Variants in CRPPA observed in about 807,000 individuals in gnomAD.
CRPPA encodes D-ribitol-5-phosphate cytidylyltransferase.
Under a neutral mutation model 52.0 loss-of-function variants are expected in CRPPA, and 43 were observed. The ratio of observed to expected loss-of-function variants is 0.83; its 90% CI spans 0.65 to 1.07. CRPPA has a LOEUF of 1.07. Ranked by LOEUF, CRPPA falls within the 50% of genes least tolerant of loss-of-function variation. CRPPA has a pLI of 0.00. For missense variants in CRPPA, 629 were observed against 551.7 expected (o/e 1.14, Z -1.40); for synonymous variants, 250 against 203.5 (o/e 1.23, Z -1.94).
chr7:16,375,822 T>A (rs898572305), intron 3 of CRPPA, among the ~76,000 whole-genome samples: 1 of 152,180 alleles, frequency 6.6e-6, no homozygotes, highest in Non-Finnish European at 1.5e-5. Flanking sequence ...TTGCTGAATT[T>A]TCACTGCTGG....
chr7:16,279,804 C>T (rs1208260837), intron 5 of CRPPA, among the ~76,000 whole-genome samples: 1 of 152,186 alleles, frequency 6.6e-6, no homozygotes, highest in Non-Finnish European at 1.5e-5. Context: ...GTGTGACCAA[C>T]AACCAAGAGA....
At chr7:16,124,853 A>C (rs1049205312) in intron 9 of CRPPA, among the ~76,000 whole-genome samples, 1 of 150,662 alleles carries the variant, frequency 6.6e-6, no homozygotes. Context: ...AATGTCAATT[A>C]AAATAATTTT....
intron 9 of CRPPA, among the ~76,000 whole-genome samples, chr7:16,130,262 G>T (rs971191347): frequency 6.6e-6 from 1 of 152,132 alleles, no homozygotes; most frequent in African/African-American, 2.4e-5. Context: ...TTTCCAGGCA[G>T]GAAGAAGTAA....
At chr7:16,125,702 G>C (rs1339286443) in intron 9 of CRPPA, among the ~76,000 whole-genome samples, 2 of 152,088 alleles carry the variant, frequency 1.3e-5, no homozygotes, top group Non-Finnish European at 2.9e-5. Flanking sequence ...GAAACAGGTT[G>C]TCTAATGGGT....
intron 6 of CRPPA, among the ~76,000 whole-genome samples, chr7:16,272,190 T>G (rs1784105417): frequency 6.6e-6 from 1 of 152,264 alleles, no homozygotes; most frequent in Admixed American, 6.5e-5. Context: ...CAAAGCCTTG[T>G]CCTTTAAGAA....
intron 2 of CRPPA, among the ~76,000 whole-genome samples, chr7:16,393,609 T>C (rs1787495712): frequency 6.6e-6 from 1 of 152,136 alleles, no homozygotes; most frequent in Non-Finnish European, 1.5e-5. Context: ...AAATTCAAAA[T>C]TATAACACAT....
intron 8 of CRPPA, among the ~76,000 whole-genome samples, chr7:16,224,226 T>A (rs1527216): frequency 0.6 from 90,910 of 151,618 alleles, 28,135 homozygotes; most frequent in Admixed American, 0.69. Flanking sequence ...TTGTCTAGAA[T>A]TCATTTAATA....
chr7:16,092,402 G>A (rs2128361279), intron 9 of CRPPA, among the ~76,000 whole-genome samples: 1 of 152,270 alleles, frequency 6.6e-6, no homozygotes, highest in South Asian at 2.1e-4. Flanking sequence ...AGGTCTCTGT[G>A]TTGTGAATTG....
chr7:16,327,147 T>C (rs1472955055), intron 3 of CRPPA, among the ~76,000 whole-genome samples: 2 of 152,154 alleles, frequency 1.3e-5, no homozygotes, highest in African/African-American at 2.4e-5. Flanking sequence ...CAAACAGTTC[T>C]TTTGCTTTCT....
intron 9 of CRPPA, among the ~76,000 whole-genome samples, chr7:16,161,144 C>A (rs749352033): frequency 2.0e-5 from 3 of 152,156 alleles, no homozygotes; most frequent in Non-Finnish European, 4.4e-5. Flanking sequence ...GACAATTTGA[C>A]TTCCTCTCTT....
intron 9 of CRPPA, among the ~76,000 whole-genome samples, chr7:16,181,647 C>A (rs1025519199): frequency 6.6e-6 from 1 of 151,918 alleles, no homozygotes; most frequent in Non-Finnish European, 1.5e-5. Flanking sequence ...AAATCACATT[C>A]TCTTTGAAAA....
At chr7:16,396,744 ATGACTGATAGAAAACGTG>A (rs1562678245) in intron 2 of CRPPA, among the ~76,000 whole-genome samples, 3 of 152,250 alleles carry the variant, frequency 2.0e-5, no homozygotes, top group Non-Finnish European at 4.4e-5. Context: ...TTCGTATGAC[ATGACTGATAGAAAACGTG>A]TGACATACAT....
chr7:16,137,284 T>C (rs1265891601), intron 9 of CRPPA, among the ~76,000 whole-genome samples: 1 of 152,204 alleles, frequency 6.6e-6, no homozygotes, highest in Non-Finnish European at 1.5e-5. Context: ...CACCAAACAC[T>C]GAACATGCCA....
intron 8 of CRPPA, among the ~76,000 whole-genome samples, chr7:16,243,511 A>G (rs1204823897): frequency 6.6e-6 from 1 of 152,208 alleles, no homozygotes; most frequent in African/African-American, 2.4e-5. Context: ...CATGCTAAAT[A>G]GCATAGAAAT....
chr7:16,300,627 C>T (rs1272347839), intron 5 of CRPPA, among the ~76,000 whole-genome samples: 1 of 152,126 alleles, frequency 6.6e-6, no homozygotes, highest in Non-Finnish European at 1.5e-5. Context: ...TGGGTACTTC[C>T]AGCAGCTTGT....
intron 9 of CRPPA, among the ~76,000 whole-genome samples, chr7:16,146,922 A>G (rs1782985356): frequency 6.6e-6 from 1 of 152,224 alleles, no homozygotes; most frequent in African/African-American, 2.4e-5. Flanking sequence ...GTCTGTAACA[A>G]CTTTAAGTGT....
chr7:16,098,037 G>A (rs1486238622), intron 9 of CRPPA, among the ~76,000 whole-genome samples: 1 of 152,082 alleles, frequency 6.6e-6, no homozygotes, highest in East Asian at 1.9e-4. Flanking sequence ...TTTTTAAAAA[G>A]TATATTTTGA....
rs758322282 is a variant in CRPPA at position 16,411,653 on chromosome 7, T to A, written c.258-5316A>T. ...CAACCACATGTCAGTAAGTATCTGTTAAATAAACAGAGAGGAGAATGCTTG... is the reference window on the plus strand; with the variant it reads ...CAACCACATGTCAGTAAGTATCTGTAAAATAAACAGAGAGGAGAATGCTTG... On this transcript the variant is annotated intron_variant, in intron 1 of 9. Transcript: ENST00000407010. 3.2e-4 allele frequency among the ~76,000 whole-genome samples: 49 copies of A among 152,048 alleles called. No homozygotes were observed. In the Middle Eastern group the frequency reaches 0.02, roughly 63 times the overall value.
intron 2 of CRPPA, among the ~76,000 whole-genome samples, chr7:16,391,425 T>C (rs1438130204): frequency 1.3e-5 from 2 of 152,104 alleles, no homozygotes; most frequent in Non-Finnish European, 2.9e-5. Flanking sequence ...AGCCTCCCAA[T>C]TGGTATCTCT....
Sources: allele counts gnomAD v4.1 joint callset (sites outside exome capture counted in the v4.1 genomes callset), GRCh38; gene constraint gnomAD v4.1.1; transcripts MANE v1.5; gene names NCBI Gene and HGNC (gene_info 2026-07-23, HGNC 2026-07-21).